MYCBPAP: variants seen among roughly 807,000 people sequenced by gnomAD.
MYCBPAP encodes the protein MYCBP-associated protein.
MYCBPAP carries 60 observed loss-of-function variants against 106.1 expected under a neutral mutation model. The observed-to-expected ratio is 0.57, with a 90% CI of 0.46 to 0.70. The LOEUF is 0.70. MYCBPAP is among the 30% of genes least tolerant of loss of function. The pLI, the probability that MYCBPAP is intolerant of heterozygous loss-of-function variation, is 0.00. For missense variants in MYCBPAP, 1,064 were observed against 1,169.3 expected, an observed-to-expected ratio of 0.91 and a Z score of 1.31; for synonymous variants, 407 against 440.6, an observed-to-expected ratio of 0.92 and a Z score of 0.95.
At chr17:50,518,147 T>C (rs1004187246) in intron 4 of MYCBPAP, among the ~76,000 whole-genome samples, 1 of 152,254 alleles carries the variant, frequency 6.6e-6, no homozygotes, top group Non-Finnish European at 1.5e-5. Context: ...CTTCCCATCA[T>C]GCAGTGCTTC....
At position 50,529,016 on chromosome 17, in the gene MYCBPAP, A is replaced by C. The variant is rs1341973854; in HGVS notation, c.293-2311A>C. On this transcript the variant is annotated intron_variant, in intron 2 of 2. Coordinates refer to the MYCBPAP transcript ENST00000488432. ...GCTATGTGTGTCTCCCTCCCCCAGCAGGACCGTCCCAACAGCAAGAAGCAC... is the reference window on the plus strand; with the variant it reads ...GCTATGTGTGTCTCCCTCCCCCAGCCGGACCGTCCCAACAGCAAGAAGCAC... 1 of 1,613,406 alleles carries C rather than the reference A, an allele frequency of 6.2e-7. No homozygotes were observed. The highest frequency in any genetic ancestry group is 1.3e-5 in the African/African-American group (1 of 74,906).
rs1555621348 is a variant in MYCBPAP, at chr17:50,524,909, C to T, written c.1668C>T (p.Val556=). Residue 556 remains valine (V), a synonymous_variant, in exon 13 of 19, where the codon GTC becomes GTT. Transcript: ENST00000323776. ...SKLTAHEAVT[V]VREVLQELLM... ...TGACTGCCCATGAGGCAGTCACCGT[C>T]GTTCGCGAAGTGCTGCAGGAGCTGC... 12 of 1,613,868 alleles carry T rather than the reference C, an allele frequency of 7.4e-6. No homozygotes were observed. The highest frequency in any genetic ancestry group is 1.7e-5 in the Admixed American group (1 of 59,994).
intron 1 of MYCBPAP, among the ~76,000 whole-genome samples, chr17:50,513,495 G>A (rs1253698749): frequency 6.6e-6 from 1 of 152,198 alleles, no homozygotes; most frequent in East Asian, 1.9e-4. Flanking sequence ...CTACATTAAA[G>A]ATAACTTTCT....
intron 1 of MYCBPAP, 152 bp downstream of exon 1, chr17:50,508,902 G>A (rs2033717794): frequency 3.9e-6 from 3 of 775,988 alleles, no homozygotes; most frequent in Non-Finnish European, 6.8e-6. Context: ...AGGACCCTTA[G>A]GGATGGGGGG....
At chr17:50,508,380 C>T, upstream of MYCBPAP, 1 of 570,100 alleles carries the variant, frequency 1.8e-6, no homozygotes, top group Non-Finnish European at 2.9e-6. Flanking sequence ...CCGCCCCGCC[C>T]GGCTGGTGAC....
In MYCBPAP at chr17:50,517,437, C is replaced by A; in HGVS notation, c.349C>A (p.Pro117Thr). The A allele has an allele frequency of 6.2e-7, 1 of 1,614,194 alleles. No homozygotes were observed. The highest frequency in any genetic ancestry group is 8.5e-7 in the Non-Finnish European group (1 of 1,180,038). ...TGCGAATCCTGATGAAGCCACAAAG[C>A]CTCTGGACTACTCCGGTACACCCAG... ...RPANPDEATK[P>T]LDYSGPGDSF... The change falls in exon 3 of 19, where the codon CCT becomes ACT. Residue 117 changes from proline (P) to threonine (T), a missense_variant. By Grantham distance (38) the Pro-to-Thr change is conservative. Coordinates refer to ENST00000323776, the MANE Select transcript of MYCBPAP (RefSeq NM_032133.6).
chr17:50,527,464 G>C (rs1033983285), intron 15 of MYCBPAP, 56 bp downstream of exon 15: 1 of 1,605,080 alleles, frequency 6.2e-7, no homozygotes, highest in Non-Finnish European at 8.5e-7. Flanking sequence ...GCATCTGCAG[G>C]GGTCCTGGGC....
chr17:50,509,332 C>A (rs1350105597), intron 1 of MYCBPAP: 4 of 579,960 alleles, frequency 6.9e-6, no homozygotes, highest in Non-Finnish European at 1.2e-5. Context: ...ACTTATCCAG[C>A]TCCTTTAGCC....
In MYCBPAP at chr17:50,531,453, G is replaced by A; in HGVS notation, c.*25G>A. ...ACTCTCGGGCCCAAGCAACCTTCTG[G>A]AAAACGGGTTAATAAATAAATCAAT... On this transcript the variant is annotated 3_prime_UTR_variant, in exon 19 of 19. Transcript: ENST00000323776. The A allele has an allele frequency of 6.5e-7, 1 of 1,543,594 alleles. No homozygotes were observed. The highest frequency in any genetic ancestry group is 8.8e-7 in the Non-Finnish European group (1 of 1,132,534).
chr17:50,529,782 C>T (rs1053627289), intron 18 of MYCBPAP: 5 of 456,692 alleles, frequency 1.1e-5, no homozygotes, highest in South Asian at 1.5e-5. Context: ...CTGGCAGATG[C>T]GTTCCTTGGG....
chr17:50,511,067 A>AAG (rs72523770), intron 1 of MYCBPAP, among the ~76,000 whole-genome samples: 2 of 151,366 alleles, frequency 1.3e-5, no homozygotes, highest in African/African-American at 4.9e-5. Context: ...AGGGAAAAAA[A>AAG]ATGAAGTGTT....
rs60864374 is a variant in MYCBPAP at position 50,526,414 on chromosome 17, CTATTTATT to C, written c.2169+165_2169+172del. ...GTGATCTCTTGGGTTATCTATCTAT[CTATTTATT>C]TATTTATTTATTTATTTTTGAGACG... On this transcript the variant is annotated intron_variant, in intron 14 of 18. Coordinates refer to ENST00000323776, the MANE Select transcript of MYCBPAP (RefSeq NM_032133.6). 3.7e-3 allele frequency: 1,355 copies of C among 369,842 alleles called. 45 individuals carry two copies. Among genetic ancestry groups the C allele is most frequent in the Non-Finnish European group, 5.3e-3 (1,202 of 227,988 alleles). The allele number at this position is 369,842 out of a possible 1,614,324, so 22.9% of individuals were successfully genotyped here.
intron 14 of MYCBPAP, among the ~76,000 whole-genome samples, chr17:50,526,698 T>C (rs1471772712): frequency 6.6e-6 from 1 of 152,208 alleles, no homozygotes; most frequent in Non-Finnish European, 1.5e-5. Flanking sequence ...TTCTCCTGCC[T>C]CAGCCTTCCC....
chr17:50,508,364 C>G (rs1440820209), upstream of MYCBPAP: 27 of 519,462 alleles, frequency 5.2e-5, no homozygotes, highest in East Asian at 9.4e-4. Context: ...GCCCGGGTCC[C>G]CCGCCCCGCC....
In MYCBPAP at chr17:50,523,083, C is replaced by T. The variant is rs1229444490; in HGVS notation, c.1402C>T (p.Leu468Phe). 1 of 1,614,090 alleles carries T rather than the reference C, an allele frequency of 6.2e-7. No homozygotes were observed. Among genetic ancestry groups the T allele is most frequent in the Non-Finnish European group, 8.5e-7 (1 of 1,180,012 alleles). The change falls in exon 11 of 19, where the codon CTT (leucine) becomes TTT (phenylalanine). Residue 468 changes from leucine (L) to phenylalanine (F), a missense_variant. By Grantham distance (22) the Leu-to-Phe change is conservative. Coordinates refer to ENST00000323776, the MANE Select transcript of MYCBPAP (RefSeq NM_032133.6). Reference sequence around the variant, plus strand: ...GCACCAGCCGGACACTTTCCAAGACCTTAAGAAAAACAGGATGCAGCGATT... The same window carrying T: ...GCACCAGCCGGACACTTTCCAAGACTTTAAGAAAAACAGGATGCAGCGATT... ...RQHQPDTFQD[L>F]KKNRMQRFYF...
chr17:50,525,805 G>A, intron 13 of MYCBPAP, 76 bp from the exon 14 acceptor site: 5 of 1,490,942 alleles, frequency 3.4e-6, no homozygotes, highest in South Asian at 2.7e-5. Context: ...TACTATTTAT[G>A]TCCTTATTTA....
rs756141420 is a variant in MYCBPAP, at chr17:50,516,528, A to AG, written c.77-40dup. On this transcript the variant is annotated intron_variant, in intron 1 of 18. Coordinates refer to ENST00000323776, the MANE Select transcript of MYCBPAP (RefSeq NM_032133.6). Reference sequence around the variant, plus strand: ...GTATGTATATATTGATATATACAGAAGGAGCTCTTTAAGGACTTAATAACT... The same window carrying AG: ...GTATGTATATATTGATATATACAGAAGGGAGCTCTTTAAGGACTTAATAACT... 2.5e-6 allele frequency: 4 copies of AG among 1,604,182 alleles called. No individual in the cohort carries two copies. The African/African-American group carries it at 5.4e-5, about 22-fold the overall frequency.
At position 50,508,659 on chromosome 17, in the gene MYCBPAP, G is replaced by C. The variant is rs1456006824; in HGVS notation, c.-16G>C. ...CCGGCGGTGCAGGGCAACGTTTCAT[G>C]GTGCCGGGCGGCACCATGAAGTCTC... is the stretch of plus-strand genomic sequence containing the variant. On this transcript the variant is annotated 5_prime_UTR_variant, in exon 1 of 19. The change abolishes an upstream ATG in the 5' untranslated region. Coordinates refer to ENST00000323776, the MANE Select transcript of MYCBPAP (RefSeq NM_032133.6). The C allele has an allele frequency of 2.5e-6, 4 of 1,597,964 alleles. No individual in the cohort carries two copies. Among genetic ancestry groups the C allele is most frequent in the South Asian group, 1.1e-5 (1 of 89,534 alleles).
intron 1 of MYCBPAP, 38 bp from the exon 2 acceptor site, chr17:50,516,532 G>A (rs375815400): frequency 5.9e-5 from 94 of 1,605,058 alleles, no homozygotes; most frequent in Non-Finnish European, 7.7e-5. Flanking sequence ...TACAGAAGGA[G>A]CTCTTTAAGG....
Sources: gnomAD v4.1 joint callset for allele counts (sites outside exome capture counted in the v4.1 genomes callset) on GRCh38, gnomAD v4.1.1 for gene constraint, MANE v1.5 for transcripts, NCBI Gene and HGNC (gene_info 2026-07-23, HGNC 2026-07-21) for gene names.